SHISA6: variants seen among roughly 807,000 people sequenced by gnomAD.
SHISA6 encodes the protein protein shisa-6.
In SHISA6, 22 loss-of-function variants were observed where a neutral mutation model predicts 47.9. The observed-to-expected ratio is 0.46, with a 90% CI of 0.33 to 0.66. SHISA6 has a LOEUF of 0.66. Among genes scored for constraint, SHISA6 ranks in the 30% least tolerant of loss-of-function variants. The pLI is 0.02. For missense variants in SHISA6, 680 were observed against 764.6 expected, an observed-to-expected ratio of 0.89 and a Z score of 1.30; for synonymous variants, 388 against 337.8, an observed-to-expected ratio of 1.15 and a Z score of -1.63.
At chr17:11,331,507 T>G (rs184596025) in intron 2 of SHISA6, among the ~76,000 whole-genome samples, 2 of 152,124 alleles carry the variant, frequency 1.3e-5, no homozygotes, top group Non-Finnish European at 2.9e-5. Context: ...CCTTCAGTTT[T>G]CTATTCTTAT....
intron 3 of SHISA6, among the ~76,000 whole-genome samples, chr17:11,390,192 A>C (rs1337021094): frequency 6.6e-6 from 1 of 152,204 alleles, no homozygotes; most frequent in Admixed American, 6.5e-5. Context: ...TGGTTGTTGG[A>C]AGAAGAAAAC....
At chr17:11,427,966 CGAGA>C (rs559549301) in intron 3 of SHISA6, among the ~76,000 whole-genome samples, 145 of 152,168 alleles carry the variant, frequency 9.5e-4, no homozygotes, top group African/African-American at 3.3e-3. Flanking sequence ...AGAATAGCAA[CGAGA>C]GAGTATAGAT....
At position 11,563,427 on chromosome 17, in the gene SHISA6, C is replaced by G. The variant is rs1221457546; in HGVS notation, c.*5123C>G. 6.6e-6 allele frequency: 1 copy of G among 152,128 alleles called. No homozygotes were observed. The highest frequency in any genetic ancestry group is 1.5e-5 in the Non-Finnish European group (1 of 68,044). 9.4% of individuals were successfully genotyped at this position (152,128 alleles called of 1,614,324 possible). ...GCTTGTGAAGCAAGAATGGAGAGTC[C>G]AAGTTTGTGATATTCAAACCCATCT... On this transcript the variant is annotated 3_prime_UTR_variant, in exon 6 of 6. Coordinates refer to ENST00000441885, the MANE Select transcript of SHISA6 (RefSeq NM_207386.4).
intron 2 of SHISA6, among the ~76,000 whole-genome samples, chr17:11,343,535 T>C (rs1011980923): frequency 6.6e-6 from 1 of 151,634 alleles, no homozygotes; most frequent in South Asian, 2.1e-4. Context: ...GCTGGGAACA[T>C]GTGAAGGTAC....
chr17:11,317,787 A>G (rs886455117), intron 2 of SHISA6, among the ~76,000 whole-genome samples: 19 of 151,780 alleles, frequency 1.3e-4, no homozygotes, highest in African/African-American at 4.6e-4. Flanking sequence ...GGCAAATTCT[A>G]TGAGTGTTTA....
chr17:11,408,688 G>A (rs1278964897), intron 3 of SHISA6, among the ~76,000 whole-genome samples: 2 of 152,178 alleles, frequency 1.3e-5, no homozygotes, highest in East Asian at 1.9e-4. Flanking sequence ...GCCAACTCCA[G>A]AAAAATGCCT....
chr17:11,442,302 C>T (rs532585337), intron 3 of SHISA6, among the ~76,000 whole-genome samples: 34 of 151,832 alleles, frequency 2.2e-4, no homozygotes, highest in African/African-American at 7.7e-4. Flanking sequence ...AGCACCTGAT[C>T]CTTTTGGGTC....
chr17:11,460,482 C>T (rs1006466436), intron 3 of SHISA6, among the ~76,000 whole-genome samples: 1 of 152,194 alleles, frequency 6.6e-6, no homozygotes, highest in African/African-American at 2.4e-5. Context: ...ACCTCCACCT[C>T]CCGGGTGCAA....
intron 2 of SHISA6, among the ~76,000 whole-genome samples, chr17:11,336,519 C>T (rs928978699): frequency 2.6e-5 from 4 of 152,138 alleles, no homozygotes; most frequent in Non-Finnish European, 5.9e-5. Flanking sequence ...CAGCTCCTCA[C>T]CTGCCGCCCC....
chr17:11,454,267 A>C (rs954113806), intron 3 of SHISA6, among the ~76,000 whole-genome samples: 2 of 152,156 alleles, frequency 1.3e-5, no homozygotes, highest in African/African-American at 4.8e-5. Flanking sequence ...TCATCACTGC[A>C]GCCTCCTTGA....
intron 3 of SHISA6, among the ~76,000 whole-genome samples, chr17:11,522,428 T>TA (rs1473372861): frequency 5.9e-5 from 9 of 152,096 alleles, no homozygotes; most frequent in South Asian, 4.2e-4. Context: ...CACGCCTGGG[T>TA]ATTTGGTTTT....
At chr17:11,550,228 T>C (rs1029144421) in intron 3 of SHISA6, among the ~76,000 whole-genome samples, 2 of 152,168 alleles carry the variant, frequency 1.3e-5, no homozygotes, top group Non-Finnish European at 2.9e-5. Flanking sequence ...GTATAATTTT[T>C]GTATTCTTGG....
At chr17:11,455,420 G>A (rs1199710469) in intron 3 of SHISA6, among the ~76,000 whole-genome samples, 1 of 152,088 alleles carries the variant, frequency 6.6e-6, no homozygotes, top group Non-Finnish European at 1.5e-5. Flanking sequence ...AATGATGGAA[G>A]CAAATTCATG....
intron 3 of SHISA6, among the ~76,000 whole-genome samples, chr17:11,429,719 A>T (rs1233636271): frequency 2.0e-5 from 3 of 151,942 alleles, no homozygotes; most frequent in Non-Finnish European, 4.4e-5. Context: ...TGAACCTGGG[A>T]GGCAGAGGTT....
At chr17:11,552,246 C>A (rs947130522) in intron 4 of SHISA6, among the ~76,000 whole-genome samples, 6 of 152,194 alleles carry the variant, frequency 3.9e-5, no homozygotes. Flanking sequence ...GTCATAAATT[C>A]CATATGTCCA....
intron 2 of SHISA6, among the ~76,000 whole-genome samples, chr17:11,366,053 T>A (rs1266136747): frequency 6.6e-6 from 1 of 152,046 alleles, no homozygotes; most frequent in Non-Finnish European, 1.5e-5. Flanking sequence ...CAGAAGGAAT[T>A]TGCTATGGCT....
intron 2 of SHISA6, among the ~76,000 whole-genome samples, chr17:11,377,424 A>G (rs1029650143): frequency 1.3e-5 from 2 of 152,226 alleles, no homozygotes; most frequent in African/African-American, 4.8e-5. Flanking sequence ...TTCCTGATGC[A>G]CGAAGGCATT....
Position 11,396,058 on chromosome 17 carries a change from T to C in SHISA6, c.895+16549T>C, listed in dbSNP as rs908644602. ...AGAATTCATGTTGAGAAATTATCCT[T>C]CAGTTCCTATTGTCTTGAGTTTTTT... On this transcript the variant is annotated intron_variant, in intron 3 of 5. Transcript: ENST00000441885. 2.6e-5 allele frequency among the ~76,000 whole-genome samples: 4 copies of C among 152,242 alleles called. 1 individual carries two copies. Among genetic ancestry groups the C allele is most frequent in the East Asian group, 1.9e-4 (1 of 5,204 alleles).
intron 2 of SHISA6, among the ~76,000 whole-genome samples, chr17:11,366,337 G>A (rs1397345017): frequency 6.6e-6 from 1 of 152,072 alleles, no homozygotes; most frequent in Non-Finnish European, 1.5e-5. Context: ...GTGGGGTTTC[G>A]CCTTGTTGCC....
Sources: gnomAD v4.1 joint callset for allele counts (sites outside exome capture counted in the v4.1 genomes callset) on GRCh38, gnomAD v4.1.1 for gene constraint, MANE v1.5 for transcripts, NCBI Gene and HGNC (gene_info 2026-07-23, HGNC 2026-07-21) for gene names.